Variants in DAB2IP observed in about 807,000 individuals in gnomAD.
The protein encoded by DAB2IP is disabled homolog 2-interacting protein.
In DAB2IP, 28 loss-of-function variants were observed where a neutral mutation model predicts 107.2. The observed-to-expected ratio is 0.26, with a 90% CI of 0.19 to 0.36. DAB2IP has a LOEUF of 0.36. Ranked by LOEUF, DAB2IP falls within the 10% of genes least tolerant of loss-of-function variation. DAB2IP has a pLI of 1.00. For missense variants in DAB2IP, 1,400 were observed against 1,644.7 expected, an observed-to-expected ratio of 0.85 and a Z score of 2.57; for synonymous variants, 755 against 706.4, an observed-to-expected ratio of 1.07 and a Z score of -1.09.
chr9:121,674,421 C>T (rs1007480932), intron 1 of DAB2IP, among the ~76,000 whole-genome samples: 1 of 152,144 alleles, frequency 6.6e-6, no homozygotes, highest in Admixed American at 6.5e-5. Context: ...AGGCCTTGCC[C>T]TGGGTGTGGG....
intron 1 of DAB2IP, among the ~76,000 whole-genome samples, chr9:121,579,113 G>A (rs1830134164): frequency 6.6e-6 from 1 of 152,112 alleles, no homozygotes; most frequent in African/African-American, 2.4e-5. Context: ...CCTTACCAGG[G>A]GAAATGATGT....
intron 1 of DAB2IP, chr9:121,575,508 A>T (rs1044013289): frequency 3.3e-5 from 5 of 152,146 alleles, no homozygotes; most frequent in African/African-American, 1.2e-4. Flanking sequence ...TATATTGTTC[A>T]ATTCCCGTTT....
intron 2 of DAB2IP, among the ~76,000 whole-genome samples, chr9:121,680,291 C>G (rs1468131061): frequency 1.3e-5 from 2 of 152,220 alleles, no homozygotes. Flanking sequence ...ATAAAAATGC[C>G]TTAAAAACTA....
At chr9:121,651,020 C>T (rs1470081975), upstream of DAB2IP, among the ~76,000 whole-genome samples, 1 of 152,154 alleles carries the variant, frequency 6.6e-6, no homozygotes, top group Non-Finnish European at 1.5e-5. This position sits in a 1 kb window ranked among gnomAD's most constrained non-coding sequence, Gnocchi z 5.1. Flanking sequence ...GGAGTTGGTA[C>T]CTTTCCTTCT....
intron 6 of DAB2IP, among the ~76,000 whole-genome samples, chr9:121,761,373 G>A (rs1833876822): frequency 6.6e-6 from 1 of 152,248 alleles, no homozygotes; most frequent in Admixed American, 6.5e-5. Flanking sequence ...ACAGTGGCGT[G>A]TTGTGAGCCA....
chr9:121,574,973 T>G (rs1830023602), intron 1 of DAB2IP: 1 of 152,442 alleles, frequency 6.6e-6, no homozygotes, highest in Admixed American at 6.5e-5. Flanking sequence ...CACACAAGCC[T>G]GAGCAGCTGG....
At chr9:121,714,643 G>C (rs1269025154) in intron 3 of DAB2IP, among the ~76,000 whole-genome samples, 3 of 152,238 alleles carry the variant, frequency 2.0e-5, no homozygotes, top group Non-Finnish European at 2.9e-5. Context: ...TGCCAGGCAT[G>C]GTGCTAAGCT....
intron 6 of DAB2IP, among the ~76,000 whole-genome samples, chr9:121,762,363 G>A (rs1233922530): frequency 6.6e-6 from 1 of 152,176 alleles, no homozygotes; most frequent in Non-Finnish European, 1.5e-5. Context: ...GGGAGCCCTG[G>A]AGGAGCCCCG....
At chr9:121,663,905 G>C (rs900326818) in intron 1 of DAB2IP, among the ~76,000 whole-genome samples, 1 of 152,192 alleles carries the variant, frequency 6.6e-6, no homozygotes, top group South Asian at 2.1e-4. Flanking sequence ...AGAGATATCC[G>C]GGCTTGAATC....
At chr9:121,770,498 C>G (rs1169631081) in intron 10 of DAB2IP, 48 bp from the exon 11 acceptor site, 1 of 1,586,884 alleles carries the variant, frequency 6.3e-7, no homozygotes, top group Middle Eastern at 1.7e-4. Context: ...TACAGCCTAC[C>G]CATGTGGTCC....
chr9:121,774,236 C>T, intron 12 of DAB2IP, 24 bp from the exon 13 acceptor site: 2 of 1,585,796 alleles, frequency 1.3e-6, no homozygotes, highest in Non-Finnish European at 1.7e-6. Flanking sequence ...CCCTGCAGCC[C>T]CTCACAGCTG....
At chr9:121,602,220 G>A (rs1364541017) in intron 1 of DAB2IP, among the ~76,000 whole-genome samples, 2 of 152,094 alleles carry the variant, frequency 1.3e-5, no homozygotes, top group African/African-American at 4.8e-5. Flanking sequence ...ACTTAAGATG[G>A]GTATGCTGTT....
At chr9:121,571,800 G>A (rs980135402) in intron 1 of DAB2IP, among the ~76,000 whole-genome samples, 11 of 152,068 alleles carry the variant, frequency 7.2e-5, no homozygotes, top group Non-Finnish European at 1.0e-4. Flanking sequence ...GAGCCCCTTA[G>A]AGCATGGCCA....
At chr9:121,627,147 A>T (rs1009866621) in intron 1 of DAB2IP, among the ~76,000 whole-genome samples, 1 of 151,222 alleles carries the variant, frequency 6.6e-6, no homozygotes, top group Non-Finnish European at 1.5e-5. Context: ...ACACTCACAC[A>T]CACACACACA....
intron 6 of DAB2IP, among the ~76,000 whole-genome samples, chr9:121,761,744 G>A (rs1441845118): frequency 1.3e-5 from 2 of 152,188 alleles, no homozygotes; most frequent in African/African-American, 4.8e-5. Context: ...CTGCACGTTG[G>A]GCCAGCTCTG....
chr9:121,747,627 G>A (rs1225759662), intron 3 of DAB2IP, among the ~76,000 whole-genome samples: 6 of 152,192 alleles, frequency 3.9e-5, no homozygotes, highest in African/African-American at 1.2e-4. Context: ...GATTACAGGC[G>A]TGAGCCACCG....
chr9:121,718,789 C>A (rs1280060802), intron 3 of DAB2IP, among the ~76,000 whole-genome samples: 1 of 152,178 alleles, frequency 6.6e-6, no homozygotes, highest in African/African-American at 2.4e-5. Flanking sequence ...GTGTTGTGTC[C>A]TCTCTCTGGA....
chr9:121,741,208 A>G (rs1473144333), intron 3 of DAB2IP, among the ~76,000 whole-genome samples: 1 of 152,084 alleles, frequency 6.6e-6, no homozygotes, highest in African/African-American at 2.4e-5. Context: ...ACCTTGTCAA[A>G]CCTTGGGGAT....
chr9:121,646,128 C>T (rs927394745), intron 1 of DAB2IP, among the ~76,000 whole-genome samples: 6 of 152,196 alleles, frequency 3.9e-5, no homozygotes, highest in East Asian at 1.9e-4. Flanking sequence ...CCCCCACTTC[C>T]GCCTGTGTTG....
Sources: allele counts gnomAD v4.1 joint callset (sites outside exome capture counted in the v4.1 genomes callset), GRCh38; gene constraint gnomAD v4.1.1; non-coding constraint Gnocchi (gnomAD v3.1); transcripts MANE v1.5; gene names NCBI Gene and HGNC (gene_info 2026-07-23, HGNC 2026-07-21).